Variants in GNAQ observed in about 807,000 individuals in gnomAD.
GNAQ encodes the protein G protein subunit alpha q.
A neutral mutation model predicts 43.9 loss-of-function variants in GNAQ; 8 were observed. The observed-to-expected ratio is 0.18, with a 90% confidence interval of 0.11 to 0.33. GNAQ has a LOEUF of 0.33. Among genes scored for constraint, GNAQ ranks in the 10% least tolerant of loss-of-function variants. The pLI is 1.00. For synonymous variants in GNAQ, 155 were observed against 170.7 expected (o/e 0.91, Z 0.71); for missense variants, 158 against 450.8 (o/e 0.35, Z 5.88).
At chr9:78,002,558 C>G (rs1313769691) in intron 1 of GNAQ, among the ~76,000 whole-genome samples, 2 of 152,198 alleles carry the variant, frequency 1.3e-5, no homozygotes, top group African/African-American at 4.8e-5. Flanking sequence ...GTGGCCTTTT[C>G]TAAGTCAGCT....
chr9:78,003,799 G>C (rs1471998962), intron 1 of GNAQ, among the ~76,000 whole-genome samples: 2 of 145,280 alleles, frequency 1.4e-5, no homozygotes, highest in African/African-American at 5.1e-5. Context: ...CTGGGCTTTA[G>C]AGCAAGACTG....
intron 3 of GNAQ, among the ~76,000 whole-genome samples, chr9:77,805,620 G>A (rs1170645712): frequency 6.6e-6 from 1 of 151,968 alleles, no homozygotes; most frequent in Admixed American, 6.6e-5. Context: ...TGGTCAGGCT[G>A]GTCTCGAACT....
chr9:77,982,481 AT>A (rs1823379891), intron 1 of GNAQ, among the ~76,000 whole-genome samples: 1 of 152,236 alleles, frequency 6.6e-6, no homozygotes, highest in South Asian at 2.1e-4. Flanking sequence ...ACACCTTTTC[AT>A]GGGGTTATGA....
chr9:77,877,868 A>C (rs2118052458), intron 2 of GNAQ, among the ~76,000 whole-genome samples: 1 of 152,238 alleles, frequency 6.6e-6, no homozygotes, highest in African/African-American at 2.4e-5. Context: ...ACCTCCAACA[A>C]GTTTGCCCCA....
intron 3 of GNAQ, among the ~76,000 whole-genome samples, chr9:77,798,082 C>T (rs1826685297): frequency 6.6e-6 from 1 of 151,972 alleles, no homozygotes; most frequent in Non-Finnish European, 1.5e-5. Context: ...TGCAGAACAT[C>T]AGAGTCTTCC....
chr9:77,757,608 G>C (rs572134523), intron 5 of GNAQ, among the ~76,000 whole-genome samples: 1 of 152,186 alleles, frequency 6.6e-6, no homozygotes, highest in African/African-American at 2.4e-5. Context: ...ACTATAACAT[G>C]CTTTTACTAT....
At chr9:77,942,472 A>G (rs1234515055) in intron 1 of GNAQ, among the ~76,000 whole-genome samples, 1 of 152,224 alleles carries the variant, frequency 6.6e-6, no homozygotes, top group Non-Finnish European at 1.5e-5. Context: ...ATATACTTGC[A>G]AAATGGTTGG....
intron 2 of GNAQ, among the ~76,000 whole-genome samples, chr9:77,855,717 A>C (rs1240374718): frequency 6.6e-6 from 1 of 152,140 alleles, no homozygotes; most frequent in Non-Finnish European, 1.5e-5. Flanking sequence ...TCCTAGTGAA[A>C]GTCAGTTTCA....
chr9:77,887,428 T>C (rs745882450), intron 2 of GNAQ, among the ~76,000 whole-genome samples: 8 of 152,212 alleles, frequency 5.3e-5, no homozygotes, highest in African/African-American at 7.2e-5. Flanking sequence ...AATAAGGAAA[T>C]AGTTTTTAGG....
intron 2 of GNAQ, among the ~76,000 whole-genome samples, chr9:77,881,648 C>A (rs1828209237): frequency 6.6e-6 from 1 of 152,128 alleles, no homozygotes; most frequent in South Asian, 2.1e-4. Context: ...CCTCCCGAAG[C>A]ACTGGGATTA....
At chr9:77,990,805 A>T (rs1161465971) in intron 1 of GNAQ, among the ~76,000 whole-genome samples, 2 of 152,198 alleles carry the variant, frequency 1.3e-5, no homozygotes, top group African/African-American at 4.8e-5. Flanking sequence ...AGTTATGGTA[A>T]GCCAATAAAT....
chr9:77,840,476 A>T (rs1827472547), intron 2 of GNAQ, among the ~76,000 whole-genome samples: 1 of 151,602 alleles, frequency 6.6e-6, no homozygotes, highest in Non-Finnish European at 1.5e-5. Context: ...AGCTGGGATT[A>T]CAGGCATGCG....
intron 1 of GNAQ, among the ~76,000 whole-genome samples, chr9:77,968,026 C>T (rs1823191456): frequency 6.6e-6 from 1 of 151,938 alleles, no homozygotes; most frequent in Non-Finnish European, 1.5e-5. Context: ...TTTAGGTTTC[C>T]CTTTGGGATG....
intron 2 of GNAQ, among the ~76,000 whole-genome samples, chr9:77,885,919 T>C (rs558728035): frequency 3.3e-4 from 51 of 152,284 alleles, no homozygotes; most frequent in African/African-American, 1.2e-3. Flanking sequence ...AAAATTGTAA[T>C]ATAATTCAGT....
At chr9:77,779,323 G>C (rs1337728344) in intron 5 of GNAQ, among the ~76,000 whole-genome samples, 1 of 151,740 alleles carries the variant, frequency 6.6e-6, no homozygotes, top group Non-Finnish European at 1.5e-5. Flanking sequence ...CATAACACAT[G>C]GGTAGTCAAA....
At chr9:77,860,989 G>T (rs1168794942) in intron 2 of GNAQ, among the ~76,000 whole-genome samples, 1 of 152,182 alleles carries the variant, frequency 6.6e-6, no homozygotes, top group African/African-American at 2.4e-5. Context: ...CCCGAGGCTG[G>T]ATGTATTAGT....
At chr9:77,839,151 C>A (rs991676091) in intron 2 of GNAQ, among the ~76,000 whole-genome samples, 6 of 152,124 alleles carry the variant, frequency 3.9e-5, no homozygotes, top group Non-Finnish European at 8.8e-5. Flanking sequence ...TCGTGGTGAA[C>A]AGCAATATGT....
At chr9:77,811,221 T>C (rs1165594362) in intron 3 of GNAQ, among the ~76,000 whole-genome samples, 3 of 152,006 alleles carry the variant, frequency 2.0e-5, no homozygotes, top group Non-Finnish European at 4.4e-5. Flanking sequence ...GTAAGATGAA[T>C]ATTTCTGTAA....
At chr9:77,841,092 C>A (rs1827482571) in intron 2 of GNAQ, among the ~76,000 whole-genome samples, 1 of 151,594 alleles carries the variant, frequency 6.6e-6, no homozygotes, top group African/African-American at 2.4e-5. Flanking sequence ...GTTAAAAAAA[C>A]AAACAAACAA....
Sources: allele counts gnomAD v4.1 joint callset (sites outside exome capture counted in the v4.1 genomes callset), GRCh38; gene constraint gnomAD v4.1.1; transcripts MANE v1.5; gene names NCBI Gene and HGNC (gene_info 2026-07-23, HGNC 2026-07-21).